DNAJC1: variants seen among roughly 807,000 people sequenced by gnomAD.
DNAJC1 encodes dnaJ homolog subfamily C member 1.
DNAJC1 carries 58 observed loss-of-function variants against 76.6 expected under a neutral mutation model. The observed-to-expected ratio is 0.76, with a 90% CI of 0.61 to 0.94. The LOEUF is 0.94. DNAJC1 is among the 40% of genes least tolerant of loss of function. The pLI is 0.00. For synonymous variants in DNAJC1, 258 were observed against 267.9 expected (o/e 0.96, Z 0.36); for missense variants, 689 against 677.3 (o/e 1.02, Z -0.19).
intron 6 of DNAJC1, among the ~76,000 whole-genome samples, chr10:21,910,892 A>G (rs1176527312): frequency 1.7e-5 from 2 of 116,234 alleles, no homozygotes; most frequent in Non-Finnish European, 1.8e-5. Context: ...GAGGAAGGAA[A>G]GGAAGGAAAG....
At chr10:21,868,219 G>T (rs1236911729) in intron 8 of DNAJC1, among the ~76,000 whole-genome samples, 1 of 148,948 alleles carries the variant, frequency 6.7e-6, no homozygotes, top group Non-Finnish European at 1.5e-5. Context: ...CCGCCTCCTG[G>T]GTTCAAGTGA....
chr10:21,779,427 T>TGCTGTTCTGCAATATCC (rs1240662865), intron 9 of DNAJC1, among the ~76,000 whole-genome samples: 4 of 152,186 alleles, frequency 2.6e-5, no homozygotes, highest in African/African-American at 9.7e-5. Context: ...CAGCAACATT[T>TGCTGTTCTGCAATATCC]GCTGTTCTGC....
At chr10:21,783,781 G>C (rs1417845678) in intron 9 of DNAJC1, among the ~76,000 whole-genome samples, 1 of 152,110 alleles carries the variant, frequency 6.6e-6, no homozygotes, top group Non-Finnish European at 1.5e-5. Context: ...TGACAAACCT[G>C]ACAAAAACAA....
At position 21,808,618 on chromosome 10, in the gene DNAJC1, ATAGT is replaced by A. The variant is rs1270274580; in HGVS notation, c.979-2523_979-2520del. ...TTGGTGAATGTGTAATTCCTCGGCAATAGTTAGTTGTGTCTTTAGAAGCAACAGA... is the reference window on the plus strand; with the variant it reads ...TTGGTGAATGTGTAATTCCTCGGCAATAGTTGTGTCTTTAGAAGCAACAGA... On this transcript the variant is annotated intron_variant, in intron 8 of 11. Transcript: ENST00000376980. 1.3e-4 allele frequency among the ~76,000 whole-genome samples: 20 copies of A among 152,266 alleles called. No individual in the cohort carries two copies. In the East Asian group the frequency reaches 1.7e-3, roughly 13 times the overall value.
chr10:21,780,859 T>G (rs1232715394), intron 9 of DNAJC1, among the ~76,000 whole-genome samples: 1 of 152,192 alleles, frequency 6.6e-6, no homozygotes. Flanking sequence ...CCATCTCATG[T>G]GCAGAGACAC....
chr10:21,931,614 GAAC>G (rs1280703026), intron 1 of DNAJC1, among the ~76,000 whole-genome samples: 2 of 152,170 alleles, frequency 1.3e-5, no homozygotes, highest in African/African-American at 4.8e-5. Flanking sequence ...AAGGCAGTGA[GAAC>G]AACTATTACA....
intron 9 of DNAJC1, among the ~76,000 whole-genome samples, chr10:21,771,504 C>CT (rs58483474): frequency 7.7e-4 from 112 of 146,120 alleles, no homozygotes; most frequent in South Asian, 1.5e-3. Context: ...TTGTCAAACA[C>CT]TTTTTTTTTT....
chr10:22,001,921 G>A (rs919680144), intron 1 of DNAJC1, among the ~76,000 whole-genome samples: 2 of 152,162 alleles, frequency 1.3e-5, no homozygotes, highest in African/African-American at 2.4e-5. Flanking sequence ...TAAGCAGGGA[G>A]GGGCACCAGG....
chr10:21,833,506 C>T (rs1398835304), intron 8 of DNAJC1, among the ~76,000 whole-genome samples: 1 of 152,066 alleles, frequency 6.6e-6, no homozygotes, highest in African/African-American at 2.4e-5. Context: ...TTTAAAAAAG[C>T]ATGAATTCTG....
intron 8 of DNAJC1, among the ~76,000 whole-genome samples, chr10:21,854,651 G>GA (rs1835807627): frequency 6.6e-6 from 1 of 152,114 alleles, no homozygotes; most frequent in Admixed American, 6.5e-5. Flanking sequence ...GTTAGGAAGT[G>GA]AAAAGCATTC....
intron 1 of DNAJC1, among the ~76,000 whole-genome samples, chr10:21,999,384 T>C (rs757601687): frequency 1.5e-4 from 23 of 152,134 alleles, no homozygotes; most frequent in Non-Finnish European, 3.2e-4. Flanking sequence ...TTGTATTGGT[T>C]TGCCTCCTAC....
At chr10:21,863,796 C>G (rs981778122) in intron 8 of DNAJC1, among the ~76,000 whole-genome samples, 1 of 152,088 alleles carries the variant, frequency 6.6e-6, no homozygotes, top group East Asian at 1.9e-4. Context: ...GATAAATACT[C>G]TCAGCAGACT....
intron 11 of DNAJC1, among the ~76,000 whole-genome samples, chr10:21,758,321 T>TAACA (rs1834200581): frequency 6.6e-6 from 1 of 152,188 alleles, no homozygotes; most frequent in African/African-American, 2.4e-5. Context: ...GTTCCTCGAC[T>TAACA]AACAATCTAG....
intron 9 of DNAJC1, among the ~76,000 whole-genome samples, chr10:21,803,438 G>A (rs1327206817): frequency 1.3e-5 from 2 of 152,048 alleles, no homozygotes; most frequent in African/African-American, 4.8e-5. Context: ...AGGCACAAGT[G>A]GTCTTTTTAA....
At chr10:21,761,489 G>A (rs1328208143) in intron 10 of DNAJC1, among the ~76,000 whole-genome samples, 1 of 150,370 alleles carries the variant, frequency 6.7e-6, no homozygotes, top group Non-Finnish European at 1.5e-5. Flanking sequence ...AACCTGGGAG[G>A]CAGAGGTTGC....
chr10:21,818,159 C>T (rs1737238444), intron 8 of DNAJC1, among the ~76,000 whole-genome samples: 1 of 152,290 alleles, frequency 6.6e-6, no homozygotes, highest in South Asian at 2.1e-4. Context: ...TTCTTTTTCT[C>T]AGCAAGGAAC....
chr10:21,876,879 C>T (rs1187407206), intron 8 of DNAJC1, among the ~76,000 whole-genome samples: 1 of 152,082 alleles, frequency 6.6e-6, no homozygotes. Flanking sequence ...TACTTAATGC[C>T]AAACAAACAA....
At chr10:21,758,175 C>T (rs950249831) in intron 11 of DNAJC1, among the ~76,000 whole-genome samples, 1 of 151,978 alleles carries the variant, frequency 6.6e-6, no homozygotes, top group Non-Finnish European at 1.5e-5. Flanking sequence ...ACATGCATGG[C>T]CATGAGCTGG....
intron 8 of DNAJC1, among the ~76,000 whole-genome samples, chr10:21,875,144 G>C (rs1836164788): frequency 2.6e-5 from 4 of 152,120 alleles, no homozygotes; most frequent in Admixed American, 2.6e-4. Flanking sequence ...GCTTCCCAAA[G>C]TGCTGGGATT....
Sources: gnomAD v4.1 joint callset for allele counts (sites outside exome capture counted in the v4.1 genomes callset) on GRCh38, gnomAD v4.1.1 for gene constraint, MANE v1.5 for transcripts, NCBI Gene and HGNC (gene_info 2026-07-23, HGNC 2026-07-21) for gene names.